PHACTR2: variants seen among roughly 807,000 people sequenced by gnomAD.
The protein encoded by PHACTR2 is chromosome 6 open reading frame 56.
PHACTR2 carries 30 observed loss-of-function variants against 76.0 expected under a neutral mutation model. The observed-to-expected ratio is 0.39, with a 90% confidence interval of 0.30 to 0.54. PHACTR2 has a LOEUF of 0.54. Among genes scored for constraint, PHACTR2 ranks in the 20% least tolerant of loss-of-function variants. The probability of loss-of-function intolerance (pLI) is 0.61; values close to 1 mark genes in which losing one functional copy is unlikely to be tolerated. For missense variants in PHACTR2, 696 were observed against 781.1 expected, an observed-to-expected ratio of 0.89 and a Z score of 1.30; for synonymous variants, 292 against 292.5, an observed-to-expected ratio of 1.00 and a Z score of 0.02.
chr6:143,798,579 A>G (rs1775883021), intron 11 of PHACTR2, among the ~76,000 whole-genome samples: 1 of 152,158 alleles, frequency 6.6e-6, no homozygotes, highest in Non-Finnish European at 1.5e-5. Flanking sequence ...TTCCATCGAT[A>G]CCTAGTTTAG....
At chr6:143,665,289 G>A (rs1777015275) in intron 1 of PHACTR2, among the ~76,000 whole-genome samples, 2 of 152,254 alleles carry the variant, frequency 1.3e-5, no homozygotes, top group South Asian at 4.1e-4. Flanking sequence ...TCCTTAAAGT[G>A]GGATTTGCCT....
intron 1 of PHACTR2, among the ~76,000 whole-genome samples, chr6:143,629,659 C>T (rs1021930981): frequency 2.0e-5 from 3 of 151,968 alleles, no homozygotes; most frequent in Non-Finnish European, 2.9e-5. Context: ...TATTGTGTCA[C>T]GGTACATAAG....
rs192942344 is a variant in PHACTR2 at position 143,653,859 on chromosome 6, A to G, written c.13+45537A>G. Among the ~76,000 whole-genome samples, 1 of 152,298 alleles carries G rather than the reference A, an allele frequency of 6.6e-6. No homozygotes were observed. The highest frequency in any genetic ancestry group is 1.9e-4 in the East Asian group (1 of 5,186). On this transcript the variant is annotated intron_variant, in intron 1 of 11. Coordinates refer to the PHACTR2 transcript ENST00000305766. The surrounding 1 kb of genome is among the most constrained non-coding windows in gnomAD (Gnocchi z 4.9). ...TAAAAGCACGAAAAACAAAAGAAACAATAATAATTTGGACATCATCAAACT... is the reference window on the plus strand; with the variant it reads ...TAAAAGCACGAAAAACAAAAGAAACGATAATAATTTGGACATCATCAAACT...
At chr6:143,605,862 CTG>C (rs1408205817), upstream of PHACTR2, among the ~76,000 whole-genome samples, 1 of 152,060 alleles carries the variant, frequency 6.6e-6, no homozygotes, top group East Asian at 1.9e-4. This position sits in a 1 kb window ranked among gnomAD's most constrained non-coding sequence, Gnocchi z 5.0. Flanking sequence ...CAAATTATAA[CTG>C]TATATATTTA....
At chr6:143,726,931 T>C (rs1432536181) in intron 2 of PHACTR2, among the ~76,000 whole-genome samples, 2 of 152,248 alleles carry the variant, frequency 1.3e-5, no homozygotes, top group Non-Finnish European at 2.9e-5. Context: ...CAAACATGTA[T>C]CATTTCTACC....
intron 12 of PHACTR2, among the ~76,000 whole-genome samples, chr6:143,810,067 C>A (rs1428451516): frequency 1.3e-5 from 2 of 152,046 alleles, no homozygotes; most frequent in African/African-American, 4.8e-5. Flanking sequence ...GCCCAGATCA[C>A]ACCACTGCAC....
At chr6:143,725,229 G>A (rs1219446350) in intron 2 of PHACTR2, among the ~76,000 whole-genome samples, 1 of 105,340 alleles carries the variant, frequency 9.5e-6, no homozygotes, top group Non-Finnish European at 1.7e-5. Flanking sequence ...TTTTTTTGAG[G>A]CGAAGTCTCT....
chr6:143,655,996 A>C (rs1776843664), intron 1 of PHACTR2, among the ~76,000 whole-genome samples: 1 of 152,268 alleles, frequency 6.6e-6, no homozygotes, highest in Non-Finnish European at 1.5e-5. Context: ...AGATCAAAAA[A>C]GAGTTCTTTA....
chr6:143,544,306 A>G (rs1471538022), intron 1 of PHACTR2, among the ~76,000 whole-genome samples: 1 of 151,254 alleles, frequency 6.6e-6, no homozygotes, highest in Non-Finnish European at 1.5e-5. Flanking sequence ...TGATTCAAGA[A>G]GTTTGTTAGG....
chr6:143,818,325 G>A lies in PHACTR2; in HGVS notation c.1923-5349G>A, dbSNP rs1442981027. ...AGGAAGACAGTCTGGAGCATAGCGC[G>A]TCCACTTACCAGCTGTCTCTCTCTG... On this transcript the variant is annotated intron_variant, in intron 12 of 12. Coordinates refer to ENST00000440869, the MANE Select transcript of PHACTR2 (RefSeq NM_001100164.2). This position sits in a 1 kb window ranked among gnomAD's most constrained non-coding sequence, Gnocchi z 4.9. 2.6e-5 allele frequency among the ~76,000 whole-genome samples: 4 copies of A among 152,082 alleles called. No homozygotes were observed. Among genetic ancestry groups the A allele is most frequent in the Non-Finnish European group, 4.4e-5 (3 of 68,032 alleles).
rs1191284696 is a variant in PHACTR2, at chr6:143,549,564, G to A, written c.217+12357G>A. 6.6e-6 allele frequency among the ~76,000 whole-genome samples: 1 copy of A among 151,998 alleles called. No individual in the cohort carries two copies. Among genetic ancestry groups the A allele is most frequent in the Admixed American group, 6.6e-5 (1 of 15,254 alleles). ...CCCAAGCCCAGGAACCTGCTGGGGGGTACTCAGCAGCTGCTAAGCAGCTAT... is the reference window on the plus strand; with the variant it reads ...CCCAAGCCCAGGAACCTGCTGGGGGATACTCAGCAGCTGCTAAGCAGCTAT... On this transcript the variant is annotated intron_variant, in intron 1 of 11. Transcript: ENST00000367584. This position sits in a 1 kb window ranked among gnomAD's most constrained non-coding sequence, Gnocchi z 4.2.
rs9376775 is a variant in PHACTR2, at chr6:143,648,586, G to C, written c.13+40264G>C. ...TGGAAGGAAATCCTATCATTACTGT[G>C]GCTGCCCTCTGAGGTAGGAAGGAAT... is the stretch of plus-strand genomic sequence containing the variant. On this transcript the variant is annotated intron_variant, in intron 1 of 11. Coordinates refer to the PHACTR2 transcript ENST00000305766. This position sits in a 1 kb window ranked among gnomAD's most constrained non-coding sequence, Gnocchi z 6.7. Among the ~76,000 whole-genome samples, 67,030 of 151,866 alleles carry C rather than the reference G, an allele frequency of 0.44. 14,775 individuals carry two copies. The highest frequency in any genetic ancestry group is 0.55 in the South Asian group (2,652 of 4,814).
At chr6:143,538,568 C>G (rs1267795179) in intron 1 of PHACTR2, among the ~76,000 whole-genome samples, 1 of 152,218 alleles carries the variant, frequency 6.6e-6, no homozygotes, top group Non-Finnish European at 1.5e-5. Context: ...ACTGTACCAG[C>G]TACCACTGCC....
In PHACTR2 at chr6:143,621,666, T is replaced by G. The variant is rs944481387; in HGVS notation, c.13+13344T>G. On this transcript the variant is annotated intron_variant, in intron 1 of 11. Coordinates refer to the PHACTR2 transcript ENST00000305766. The surrounding 1 kb of genome is among the most constrained non-coding windows in gnomAD (Gnocchi z 4.1). ...TGGCTGAGCCTGTTCTACCTGCTGG[T>G]ATGGGGCCTTGGGCATATCCATGAG... Among the ~76,000 whole-genome samples the G allele has an allele frequency of 1.3e-5, 2 of 152,246 alleles. No homozygotes were observed. Among genetic ancestry groups the G allele is most frequent in the Non-Finnish European group, 2.9e-5 (2 of 68,038 alleles).
In PHACTR2 at chr6:143,658,747, T is replaced by C. The variant is rs1475285460; in HGVS notation, c.13+50425T>C. ...AAAACAAACAAACAAAAAATGGGGTTGGGCACAGTGACTCTGCCTGTAATC... is the reference window on the plus strand; with the variant it reads ...AAAACAAACAAACAAAAAATGGGGTCGGGCACAGTGACTCTGCCTGTAATC... On this transcript the variant is annotated intron_variant, in intron 1 of 11. Coordinates refer to the PHACTR2 transcript ENST00000305766. This position sits in a 1 kb window ranked among gnomAD's most constrained non-coding sequence, Gnocchi z 4.1. 6.6e-6 allele frequency among the ~76,000 whole-genome samples: 1 copy of C among 152,074 alleles called. No homozygotes were observed. Among genetic ancestry groups the C allele is most frequent in the Non-Finnish European group, 1.5e-5 (1 of 67,982 alleles).
chr6:143,537,154 T>A lies in PHACTR2; in HGVS notation c.164T>A (p.Leu55His). 1 of 332,686 alleles carries A rather than the reference T, an allele frequency of 3.0e-6. No homozygotes were observed. The highest frequency in any genetic ancestry group is 5.9e-6 in the Non-Finnish European group (1 of 170,202). The allele number at this position is 332,686 out of a possible 1,614,324, so 20.6% of individuals were successfully genotyped here. ...CCCCGCGGCCGCTCACAGAGCGACCTCTCGTCGTCCTCGAGCAGGGGCCGC... is the reference window on the plus strand; with the variant it reads ...CCCCGCGGCCGCTCACAGAGCGACCACTCGTCGTCCTCGAGCAGGGGCCGC... Residue 55 changes from leucine (L) to histidine (H), a missense_variant, in exon 1 of 12, where the codon CTC becomes CAC. By Grantham distance (99) the Leu-to-His change is moderately conservative. Coordinates refer to the PHACTR2 transcript ENST00000367584. The surrounding 1 kb of genome is among the most constrained non-coding windows in gnomAD (Gnocchi z 4.4).
In PHACTR2 at chr6:143,783,201, T is replaced by C; in HGVS notation, c.1646-18T>C. ...TCTATAGTAACTGTCATCACGACTTTCCTCCTTTAATAAACAGAAAAGAAT... is the reference window on the plus strand; with the variant it reads ...TCTATAGTAACTGTCATCACGACTTCCCTCCTTTAATAAACAGAAAAGAAT... On this transcript the variant is annotated intron_variant, in intron 9 of 12. Transcript: ENST00000440869. This position sits in a 1 kb window ranked among gnomAD's most constrained non-coding sequence, Gnocchi z 5.2. The C allele has an allele frequency of 6.4e-7, 1 of 1,562,040 alleles. No homozygotes were observed. Among genetic ancestry groups the C allele is most frequent in the Non-Finnish European group, 8.8e-7 (1 of 1,134,274 alleles).
chr6:143,570,857 C>A lies in PHACTR2; in HGVS notation c.217+33650C>A, dbSNP rs1010334659. Among the ~76,000 whole-genome samples the A allele has an allele frequency of 6.6e-6, 1 of 152,148 alleles. No individual in the cohort carries two copies. Among genetic ancestry groups the A allele is most frequent in the Non-Finnish European group, 1.5e-5 (1 of 68,014 alleles). Reference sequence around the variant, plus strand: ...CCTCCCCGGACTCCTCCTCTTCTTCCAAAATTCAGGCTGAAGACAATTGCC... The same window carrying A: ...CCTCCCCGGACTCCTCCTCTTCTTCAAAAATTCAGGCTGAAGACAATTGCC... On this transcript the variant is annotated intron_variant, in intron 1 of 11. Coordinates refer to the PHACTR2 transcript ENST00000367584. The surrounding 1 kb of genome is among the most constrained non-coding windows in gnomAD (Gnocchi z 4.6).
At chr6:143,634,544 G>C (rs1776418359) in intron 1 of PHACTR2, among the ~76,000 whole-genome samples, 1 of 152,186 alleles carries the variant, frequency 6.6e-6, no homozygotes, top group Non-Finnish European at 1.5e-5. Context: ...CTACTGATCA[G>C]TTTGTGTTCA....
Sources: allele counts gnomAD v4.1 joint callset (sites outside exome capture counted in the v4.1 genomes callset), GRCh38; gene constraint gnomAD v4.1.1; non-coding constraint Gnocchi (gnomAD v3.1); transcripts MANE v1.5; gene names NCBI Gene and HGNC (gene_info 2026-07-23, HGNC 2026-07-21).